Variants in SCAMP1 observed in about 807,000 individuals in gnomAD.
The protein encoded by SCAMP1 is secretory carrier membrane protein 1.
SCAMP1 carries 15 observed loss-of-function variants against 41.8 expected under a neutral mutation model. That is an observed-to-expected ratio of 0.36 (90% CI 0.24 to 0.55). SCAMP1 has a LOEUF of 0.55. Ranked by LOEUF, SCAMP1 falls within the 20% of genes least tolerant of loss-of-function variation. The pLI is 0.86. For synonymous variants in SCAMP1, 135 were observed against 136.8 expected (o/e 0.99, Z 0.09); for missense variants, 341 against 412.6 (o/e 0.83, Z 1.50).
rs1290884237 is a variant in SCAMP1 at position 78,398,068 on chromosome 5, T to C, written c.135+9154T>C. Among the ~76,000 whole-genome samples, 4 of 152,190 alleles carry C rather than the reference T, an allele frequency of 2.6e-5. No individual in the cohort carries two copies. The East Asian group carries it at 7.7e-4, about 29-fold the overall frequency. On this transcript the variant is annotated intron_variant, in intron 2 of 8. Coordinates refer to ENST00000621999, the MANE Select transcript of SCAMP1 (RefSeq NM_004866.6). ...TCTAGACATTTGTTAAACGTGGAGT[T>C]ACCATATGACCCTGTAATTCCACTC...
At chr5:78,451,298 A>T (rs1753219455) in intron 7 of SCAMP1, among the ~76,000 whole-genome samples, 1 of 152,242 alleles carries the variant, frequency 6.6e-6, no homozygotes, top group Non-Finnish European at 1.5e-5. Context: ...ATCATAATAA[A>T]TAACACAGAA....
chr5:78,406,638 C>G (rs998117597), intron 2 of SCAMP1, among the ~76,000 whole-genome samples: 18 of 152,210 alleles, frequency 1.2e-4, no homozygotes, highest in African/African-American at 3.9e-4. Flanking sequence ...TTATAATGTT[C>G]TTAATTCTCT....
intron 7 of SCAMP1, among the ~76,000 whole-genome samples, chr5:78,454,969 G>A (rs200011339): frequency 0.42 from 59,464 of 143,012 alleles, 7,306 homozygotes; most frequent in Middle Eastern, 0.46. Flanking sequence ...GTTGATTTGC[G>A]TAGAGGTGTT....
intron 6 of SCAMP1, among the ~76,000 whole-genome samples, chr5:78,426,620 A>G (rs549746032): frequency 3.9e-5 from 6 of 152,150 alleles, no homozygotes; most frequent in Non-Finnish European, 8.8e-5. Flanking sequence ...CAATTCAATG[A>G]TTTTTAAGTA....
intron 1 of SCAMP1, among the ~76,000 whole-genome samples, chr5:78,375,978 A>G (rs1751054406): frequency 6.6e-6 from 1 of 152,206 alleles, no homozygotes; most frequent in Non-Finnish European, 1.5e-5. Context: ...ACTCCATATA[A>G]AGAATCTTAT....
chr5:78,436,256 T>A (rs1344234790), intron 6 of SCAMP1, among the ~76,000 whole-genome samples: 1 of 152,238 alleles, frequency 6.6e-6, no homozygotes, highest in African/African-American at 2.4e-5. Flanking sequence ...TTTTGGCTTT[T>A]GTTGCTACTG....
intron 1 of SCAMP1, among the ~76,000 whole-genome samples, chr5:78,383,504 C>G (rs775513708): frequency 4.6e-5 from 7 of 152,074 alleles, no homozygotes; most frequent in Non-Finnish European, 8.8e-5. Context: ...AAAGTCTTTC[C>G]TTAAGCCAGT....
intron 1 of SCAMP1, among the ~76,000 whole-genome samples, chr5:78,378,869 A>AAT (rs1300344108): frequency 6.6e-6 from 1 of 152,214 alleles, no homozygotes; most frequent in Non-Finnish European, 1.5e-5. Context: ...CCTTATTAGA[A>AAT]ATATAAATTC....
rs139170893 is a variant in SCAMP1 at position 78,441,038 on chromosome 5, G to A, written c.633-8895G>A. 5.9e-3 allele frequency among the ~76,000 whole-genome samples: 901 copies of A among 152,270 alleles called. 5 individuals are homozygous for A. The highest frequency in any genetic ancestry group is 0.02 in the African/African-American group (845 of 41,554). On this transcript the variant is annotated intron_variant, in intron 6 of 8. Transcript: ENST00000621999. ...ACAGGATATAATCTCCTGGTGTGCCGTTTGCTAAGACCATTGGAAAAGCAC... is the reference window on the plus strand; with the variant it reads ...ACAGGATATAATCTCCTGGTGTGCCATTTGCTAAGACCATTGGAAAAGCAC...
At chr5:78,440,536 C>T (rs1361817795) in intron 6 of SCAMP1, among the ~76,000 whole-genome samples, 2 of 152,170 alleles carry the variant, frequency 1.3e-5, no homozygotes, top group Admixed American at 6.5e-5. Flanking sequence ...TATTGCAGAA[C>T]GGCTAATGTT....
At chr5:78,455,421 C>G (rs1467719939) in intron 7 of SCAMP1, among the ~76,000 whole-genome samples, 11 of 127,794 alleles carry the variant, frequency 8.6e-5, no homozygotes, top group Admixed American at 1.5e-4. Context: ...ATCTTTATTT[C>G]TGCCTTCATT....
At chr5:78,394,602 A>G (rs1751602523) in intron 2 of SCAMP1, among the ~76,000 whole-genome samples, 1 of 152,212 alleles carries the variant, frequency 6.6e-6, no homozygotes, top group Non-Finnish European at 1.5e-5. Flanking sequence ...ATAATTGTAC[A>G]TAGTAGTTTA....
At chr5:78,465,860 A>AAC (rs1232100042) in intron 8 of SCAMP1, among the ~76,000 whole-genome samples, 1 of 152,220 alleles carries the variant, frequency 6.6e-6, no homozygotes, top group Non-Finnish European at 1.5e-5. Flanking sequence ...TCCTCAGAGG[A>AAC]ACTCCAGTTG....
chr5:78,428,693 C>T (rs1161422662), intron 6 of SCAMP1, among the ~76,000 whole-genome samples: 1 of 152,086 alleles, frequency 6.6e-6, no homozygotes, highest in Admixed American at 6.6e-5. Flanking sequence ...TGAGTTAACA[C>T]TGTAAGCCAG....
At chr5:78,367,149 A>G (rs1750818842) in intron 1 of SCAMP1, among the ~76,000 whole-genome samples, 1 of 152,062 alleles carries the variant, frequency 6.6e-6, no homozygotes, top group South Asian at 2.1e-4. Context: ...CCTCATGTTA[A>G]TGTTTTTAAA....
intron 1 of SCAMP1, among the ~76,000 whole-genome samples, chr5:78,362,649 T>TA (rs1750685778): frequency 6.6e-6 from 1 of 152,226 alleles, no homozygotes; most frequent in Non-Finnish European, 1.5e-5. Context: ...TATTTCTGCT[T>TA]ATGATCTTTC....
At chr5:78,468,956 A>G (rs1203546170) in intron 8 of SCAMP1, among the ~76,000 whole-genome samples, 1 of 152,176 alleles carries the variant, frequency 6.6e-6, no homozygotes. Flanking sequence ...CATATACCAA[A>G]TCTATGCATA....
intron 6 of SCAMP1, among the ~76,000 whole-genome samples, chr5:78,437,814 A>G (rs183342641): frequency 3.0e-4 from 45 of 152,256 alleles, no homozygotes; most frequent in African/African-American, 1.0e-3. Flanking sequence ...TGTACCTCTG[A>G]TAGAATTCGG....
intron 1 of SCAMP1, among the ~76,000 whole-genome samples, chr5:78,362,297 A>C (rs1325581210): frequency 6.6e-6 from 1 of 152,254 alleles, no homozygotes; most frequent in Admixed American, 6.5e-5. Flanking sequence ...TTTATTCAGC[A>C]TCTGACGATT....
Sources: gnomAD v4.1 joint callset for allele counts (sites outside exome capture counted in the v4.1 genomes callset) on GRCh38, gnomAD v4.1.1 for gene constraint, MANE v1.5 for transcripts, NCBI Gene and HGNC (gene_info 2026-07-23, HGNC 2026-07-21) for gene names.